Variants in CCDC192 observed in about 807,000 individuals in gnomAD.
CCDC192 encodes coiled-coil domain-containing protein 192.
chr5:127,858,723 CAA>C (rs1751218162), intron 5 of CCDC192, among the ~76,000 whole-genome samples: 1 of 152,162 alleles, frequency 6.6e-6, no homozygotes, highest in Admixed American at 6.5e-5. Context: ...TTACAAAGAA[CAA>C]AGAGAAGCAA....
chr5:127,771,261 G>C (rs529148560), intron 3 of CCDC192, among the ~76,000 whole-genome samples: 1 of 152,308 alleles, frequency 6.6e-6, no homozygotes, highest in Admixed American at 6.5e-5. Flanking sequence ...GGTAGGAAGA[G>C]ACAGAATACT....
chr5:127,828,762 A>G lies in CCDC192; in HGVS notation c.411+30600A>G, dbSNP rs569806882. Reference sequence around the variant, plus strand: ...AGTGTCCATAGGAATAGAGGTGAGAACATCAAGGAGAAGGGTATTATATTT... The same window carrying G: ...AGTGTCCATAGGAATAGAGGTGAGAGCATCAAGGAGAAGGGTATTATATTT... On this transcript the variant is annotated intron_variant, in intron 5 of 6. Coordinates refer to ENST00000514853, the MANE Select transcript of CCDC192 (RefSeq NM_001317938.2). 1.3e-3 allele frequency among the ~76,000 whole-genome samples: 198 copies of G among 152,296 alleles called. 1 individual carries two copies. Among genetic ancestry groups the G allele is most frequent in the African/African-American group, 4.7e-3 (195 of 41,566 alleles).
intron 5 of CCDC192, among the ~76,000 whole-genome samples, chr5:127,834,902 A>AT (rs1016524430): frequency 8.5e-5 from 13 of 152,168 alleles, no homozygotes; most frequent in African/African-American, 2.7e-4. Context: ...ATATATACAT[A>AT]TTTTTTTCTT....
At chr5:127,867,315 A>G (rs1561530893) in intron 5 of CCDC192, among the ~76,000 whole-genome samples, 1 of 152,226 alleles carries the variant, frequency 6.6e-6, no homozygotes. Context: ...ACACAGAAAA[A>G]GCAAAGTATC....
intron 3 of CCDC192, among the ~76,000 whole-genome samples, chr5:127,792,041 G>A (rs190432384): frequency 6.6e-6 from 1 of 151,770 alleles, no homozygotes; most frequent in Non-Finnish European, 1.5e-5. Context: ...GCTGGGTGTG[G>A]TGGCTTATGC....
chr5:127,864,110 A>G (rs1380968060), intron 5 of CCDC192, among the ~76,000 whole-genome samples: 3 of 152,180 alleles, frequency 2.0e-5, no homozygotes, highest in Admixed American at 2.0e-4. Flanking sequence ...CACTATTACA[A>G]AGGATGATCA....
chr5:127,839,682 T>C (rs1475672796), intron 5 of CCDC192, among the ~76,000 whole-genome samples: 1 of 152,186 alleles, frequency 6.6e-6, no homozygotes, highest in African/African-American at 2.4e-5. Flanking sequence ...GACTGGGCTC[T>C]GGAATGACTG....
At chr5:127,759,376 C>G (rs544458784) in intron 3 of CCDC192, among the ~76,000 whole-genome samples, 91 of 152,284 alleles carry the variant, frequency 6.0e-4, no homozygotes, top group African/African-American at 2.1e-3. Context: ...AGGGCACTGC[C>G]TCAGGAATGG....
chr5:127,831,253 T>A (rs1749781817), intron 5 of CCDC192, among the ~76,000 whole-genome samples: 1 of 151,894 alleles, frequency 6.6e-6, no homozygotes, highest in Non-Finnish European at 1.5e-5. Flanking sequence ...GTTCATAAGA[T>A]TTTGGCATTA....
At chr5:127,898,376 T>G (rs1016843900) in intron 6 of CCDC192, among the ~76,000 whole-genome samples, 1 of 152,186 alleles carries the variant, frequency 6.6e-6, no homozygotes, top group Non-Finnish European at 1.5e-5. Flanking sequence ...CCGAAAGTGC[T>G]GGGATTACAA....
At position 127,884,281 on chromosome 5, in the gene CCDC192, T is replaced by C. The variant is rs560292099; in HGVS notation, c.535+8620T>C. 1.3e-4 allele frequency among the ~76,000 whole-genome samples: 17 copies of C among 134,776 alleles called. 1 individual carries two copies. In the South Asian group the frequency reaches 3.7e-3, roughly 30 times the overall value. The allele number at this position is 134,776 out of a possible 152,430, so 88.4% of individuals were successfully genotyped here. A position where few individuals can be genotyped will look rare whatever the true frequency, so the allele number is the denominator to read the frequency against. On this transcript the variant is annotated intron_variant, in intron 6 of 6. Transcript: ENST00000514853. ...TGGCGTGAACCCGGGAGGCGGAGCT[T>C]GCAGTGAGGCGAGATTGTGCCACTG...
At chr5:127,898,951 T>C (rs1752968400) in intron 6 of CCDC192, among the ~76,000 whole-genome samples, 1 of 152,188 alleles carries the variant, frequency 6.6e-6, no homozygotes, top group Admixed American at 6.5e-5. Flanking sequence ...GTTTTGCCTT[T>C]TCTGTGGCAC....
chr5:127,738,715 G>C (rs1753189262), intron 2 of CCDC192, among the ~76,000 whole-genome samples: 1 of 151,968 alleles, frequency 6.6e-6, no homozygotes. Context: ...TCTTTCAGTT[G>C]ATCACATCAG....
Position 127,891,753 on chromosome 5 carries a change from C to T in CCDC192, c.535+16092C>T, listed in dbSNP as rs576747306. 1.1e-3 allele frequency among the ~76,000 whole-genome samples: 163 copies of T among 152,324 alleles called. 1 individual carries two copies. Among genetic ancestry groups the T allele is most frequent in the African/African-American group, 3.7e-3 (154 of 41,574 alleles). ...CAACATATTGAAAAGATTATCTCCA[C>T]ACACTATCTTCACTTCTTCACCTCC... On this transcript the variant is annotated intron_variant, in intron 6 of 6. Transcript: ENST00000514853.
intron 3 of CCDC192, among the ~76,000 whole-genome samples, chr5:127,761,594 T>C (rs1195143622): frequency 1.3e-5 from 2 of 152,140 alleles, no homozygotes; most frequent in Admixed American, 1.3e-4. Context: ...GTTTTTGATA[T>C]GAAACAATAA....
At chr5:127,883,296 A>C (rs1752426794) in intron 6 of CCDC192, among the ~76,000 whole-genome samples, 1 of 152,242 alleles carries the variant, frequency 6.6e-6, no homozygotes, top group South Asian at 2.1e-4. Context: ...TTTCAGATAC[A>C]GAAGCTATAC....
In CCDC192 at chr5:127,868,990, A is replaced by G. The variant is rs1751731414; in HGVS notation, c.412-6548A>G. On this transcript the variant is annotated intron_variant, in intron 5 of 6. Transcript: ENST00000514853. Reference sequence around the variant, plus strand: ...TGTGTCTCAGTATTTGCACCTAAAAATAGGATTTATAATACTTCTCTTTCA... The same window carrying G: ...TGTGTCTCAGTATTTGCACCTAAAAGTAGGATTTATAATACTTCTCTTTCA... Among the ~76,000 whole-genome samples the G allele has an allele frequency of 5.9e-5, 9 of 152,204 alleles. No individual in the cohort carries two copies. In the South Asian group the frequency reaches 1.9e-3, roughly 32 times the overall value.
chr5:127,848,165 T>G (rs2127078550), intron 5 of CCDC192, among the ~76,000 whole-genome samples: 1 of 152,272 alleles, frequency 6.6e-6, no homozygotes, highest in South Asian at 2.1e-4. Context: ...ATGGTCCTGG[T>G]TCTCTCTTAT....
At chr5:127,808,382 A>G (rs1235311958) in intron 5 of CCDC192, among the ~76,000 whole-genome samples, 1 of 151,936 alleles carries the variant, frequency 6.6e-6, no homozygotes, top group African/African-American at 2.4e-5. Context: ...CTCAAAGTAA[A>G]TCAATGAATC....
Sources: allele counts gnomAD v4.1 joint callset (sites outside exome capture counted in the v4.1 genomes callset), GRCh38; gene constraint gnomAD v4.1.1; transcripts MANE v1.5; gene names NCBI Gene and HGNC (gene_info 2026-07-23, HGNC 2026-07-21).